Variants in FMNL3 observed in about 807,000 individuals in gnomAD.
FMNL3 encodes formin like 3, also known as formin-like protein 3.
FMNL3 carries 57 observed loss-of-function variants against 119.6 expected under a neutral mutation model. The ratio of observed to expected loss-of-function variants is 0.48; its 90% CI spans 0.39 to 0.59. FMNL3 has a LOEUF of 0.59. Among genes scored for constraint, FMNL3 ranks in the 20% least tolerant of loss-of-function variants. FMNL3 has a pLI of 0.00. For synonymous variants in FMNL3, 491 were observed against 507.3 expected, an observed-to-expected ratio of 0.97 and a Z score of 0.43; for missense variants, 1,053 against 1,323.5, an observed-to-expected ratio of 0.80 and a Z score of 3.17.
Position 49,637,106 on chromosome 12 carries a change from G to T in FMNL3, c.*8709C>A. On this transcript the variant is annotated 3_prime_UTR_variant, in exon 26 of 26. Coordinates refer to ENST00000335154, the MANE Select transcript of FMNL3 (RefSeq NM_175736.5). ...GAGAGCACCCTACAGGCATGACTTG[G>T]CAGCTAGGCCATGTTTATTTCCCTT... 1.7e-6 allele frequency: 1 copy of T among 596,894 alleles called. No individual in the cohort carries two copies. The highest frequency in any genetic ancestry group is 2.9e-6 in the Non-Finnish European group (1 of 342,158). 37.0% of individuals were successfully genotyped at this position (596,894 alleles called of 1,614,324 possible).
In FMNL3 at chr12:49,653,539, G is replaced by A. The variant is rs1943473746; in HGVS notation, c.1221+186C>T. On this transcript the variant is annotated intron_variant, in intron 12 of 25. Transcript: ENST00000335154. ...CAATGCCACCTCATGCCCAGCCCTG[G>A]AGGTCGATGTGTATTCCAACTGGTG... Among the ~76,000 whole-genome samples the A allele has an allele frequency of 2.0e-5, 3 of 152,218 alleles. No individual in the cohort carries two copies. The South Asian group carries it at 6.2e-4, about 32-fold the overall frequency.
chr12:49,656,065 C>T (rs186878415), intron 9 of FMNL3, among the ~76,000 whole-genome samples: 1 of 152,234 alleles, frequency 6.6e-6, no homozygotes, highest in East Asian at 1.9e-4. Flanking sequence ...TACATATACT[C>T]AGGCCTCCAG....
rs1239578914 is a variant in FMNL3 at position 49,650,676 on chromosome 12, G to A, written c.2000C>T (p.Thr667Met). 2.5e-6 allele frequency: 4 copies of A among 1,612,770 alleles called. No individual in the cohort carries two copies. The African/African-American group carries it at 4.0e-5, about 16-fold the overall frequency. Reference protein sequence around the residue: ...SAEEICRAIHTFDLQTLPVDF... With the variant: ...SAEEICRAIHMFDLQTLPVDF... Reference sequence around the variant, plus strand: ...AGAGCCAGGTCAGTGGGAGCCTCACGTATGAATGGCCCTGCAGATCTCCTC... The same window carrying A: ...AGAGCCAGGTCAGTGGGAGCCTCACATATGAATGGCCCTGCAGATCTCCTC... Residue 667 changes from threonine (T) to methionine (M), a missense_variant and splice_region_variant, in exon 17 of 26, where the codon ACG (threonine) becomes ATG (methionine). Coordinates refer to ENST00000335154, the MANE Select transcript of FMNL3 (RefSeq NM_175736.5).
At chr12:49,684,329 C>T (rs546460325) in intron 1 of FMNL3, among the ~76,000 whole-genome samples, 10 of 152,234 alleles carry the variant, frequency 6.6e-5, no homozygotes, top group Admixed American at 5.2e-4. Flanking sequence ...ATTCTTTAGC[C>T]GCCCTGCCAC....
intron 1 of FMNL3, among the ~76,000 whole-genome samples, chr12:49,682,077 T>A (rs1944349880): frequency 6.6e-6 from 1 of 151,240 alleles, no homozygotes; most frequent in East Asian, 1.9e-4. Context: ...TCAACCTTTT[T>A]TTTTTTTTTT....
chr12:49,652,233 T>C, intron 13 of FMNL3, 21 bp from the exon 14 acceptor site: 3 of 1,606,488 alleles, frequency 1.9e-6, no homozygotes, highest in Non-Finnish European at 2.6e-6. Flanking sequence ...GACAGCACCA[T>C]TAAGGGAAAA....
intron 1 of FMNL3, among the ~76,000 whole-genome samples, chr12:49,685,223 G>A (rs1429613431): frequency 3.3e-5 from 5 of 152,166 alleles, no homozygotes; most frequent in African/African-American, 9.7e-5. Context: ...AGTGGCTCAC[G>A]CCTGTAATCC....
intron 1 of FMNL3, among the ~76,000 whole-genome samples, chr12:49,676,292 C>T (rs1453950897): frequency 6.6e-6 from 1 of 152,108 alleles, no homozygotes; most frequent in African/African-American, 2.4e-5. Context: ...AAACAGAAGT[C>T]GTGTGCACAA....
At position 49,642,186 on chromosome 12, in the gene FMNL3, G is replaced by T. The variant is rs748118607; in HGVS notation, c.*3629C>A. On this transcript the variant is annotated 3_prime_UTR_variant, in exon 26 of 26. Coordinates refer to ENST00000335154, the MANE Select transcript of FMNL3 (RefSeq NM_175736.5). The surrounding 1 kb of genome is among the most constrained non-coding windows in gnomAD (Gnocchi z 5.8). ...CCTAAGGTATGCCTGAGTGGGACCT[G>T]GCATCCACCCTCCTGGGTGACCCTG... 8.1e-6 allele frequency: 13 copies of T among 1,613,572 alleles called. No homozygotes were observed. Among genetic ancestry groups the T allele is most frequent in the Non-Finnish European group, 1.1e-5 (13 of 1,179,744 alleles).
intron 1 of FMNL3, among the ~76,000 whole-genome samples, chr12:49,692,341 C>T (rs1037094835): frequency 2.0e-5 from 3 of 151,760 alleles, no homozygotes; most frequent in African/African-American, 7.3e-5. Flanking sequence ...AAAAAAACTT[C>T]AGTCTACCCC....
chr12:49,684,349 C>T (rs1944407881), intron 1 of FMNL3, among the ~76,000 whole-genome samples: 1 of 152,160 alleles, frequency 6.6e-6, no homozygotes, highest in Non-Finnish European at 1.5e-5. Flanking sequence ...CAAAATAAGG[C>T]TCTCTCTGCC....
chr12:49,675,474 C>A (rs780059653), intron 1 of FMNL3, among the ~76,000 whole-genome samples: 7 of 152,230 alleles, frequency 4.6e-5, no homozygotes, highest in Non-Finnish European at 8.8e-5. Context: ...TCTGTCCTCC[C>A]ACCTGGGGAG....
chr12:49,650,657 A>G lies in FMNL3; in HGVS notation c.2000+19T>C. ...TGCCAACAGACTAGGGACCAGAGCC[A>G]GGTCAGTGGGAGCCTCACGTATGAA... On this transcript the variant is annotated intron_variant, in intron 17 of 25. Transcript: ENST00000335154. 1 of 1,611,830 alleles carries G rather than the reference A, an allele frequency of 6.2e-7. No individual in the cohort carries two copies. Among genetic ancestry groups the G allele is most frequent in the Non-Finnish European group, 8.5e-7 (1 of 1,179,402 alleles).
At position 49,643,737 on chromosome 12, in the gene FMNL3, G is replaced by T; in HGVS notation, c.*2078C>A. 6.2e-7 allele frequency: 1 copy of T among 1,614,122 alleles called. No homozygotes were observed. The highest frequency in any genetic ancestry group is 2.2e-5 in the East Asian group (1 of 44,886). ...AGAAACCAAAAAAGAAAACTAAGAA[G>T]AGAAGACACAAGTCGGTGAGTGAAG... is the stretch of plus-strand genomic sequence containing the variant. On this transcript the variant is annotated 3_prime_UTR_variant, in exon 26 of 26. Transcript: ENST00000335154.
At chr12:49,687,229 G>C (rs1944489202) in intron 1 of FMNL3, among the ~76,000 whole-genome samples, 1 of 151,940 alleles carries the variant, frequency 6.6e-6, no homozygotes, top group Non-Finnish European at 1.5e-5. Flanking sequence ...AAGTAGCTGG[G>C]ACTACAGGTG....
chr12:49,700,135 G>A (rs1047025387), intron 1 of FMNL3, among the ~76,000 whole-genome samples: 1 of 152,172 alleles, frequency 6.6e-6, no homozygotes, highest in African/African-American at 2.4e-5. Flanking sequence ...GCTCACGCCT[G>A]TAATCCCAGC....
In FMNL3 at chr12:49,643,716, A is replaced by G. The variant is rs759765213; in HGVS notation, c.*2099T>C. 1 of 1,614,176 alleles carries G rather than the reference A, an allele frequency of 6.2e-7. No homozygotes were observed. The highest frequency in any genetic ancestry group is 2.2e-5 in the East Asian group (1 of 44,886). ...ATCATGGCCTTCGGAAAGCCAAGAAACCAAAAAAGAAAACTAAGAAGAGAA... is the reference window on the plus strand; with the variant it reads ...ATCATGGCCTTCGGAAAGCCAAGAAGCCAAAAAAGAAAACTAAGAAGAGAA... On this transcript the variant is annotated 3_prime_UTR_variant, in exon 26 of 26. Coordinates refer to ENST00000335154, the MANE Select transcript of FMNL3 (RefSeq NM_175736.5).
chr12:49,705,260 T>G (rs1365522043), intron 1 of FMNL3, among the ~76,000 whole-genome samples: 1 of 152,222 alleles, frequency 6.6e-6, no homozygotes, highest in Admixed American at 6.5e-5. Context: ...AAGGAAGGCA[T>G]GCAAGTGGGT....
At position 49,658,435 on chromosome 12, in the gene FMNL3, C is replaced by T; in HGVS notation, c.605+7G>A. 2 of 1,589,752 alleles carry T rather than the reference C, an allele frequency of 1.3e-6. No homozygotes were observed. The highest frequency in any genetic ancestry group is 1.7e-6 in the Non-Finnish European group (2 of 1,165,596). ...GAGGCAGGTGGGCAGAGCAAAAGCA[C>T]ACATACCGGAGCACAGACTGGCGCG... On this transcript the variant is annotated splice_region_variant and intron_variant, in intron 6 of 25. Coordinates refer to ENST00000335154, the MANE Select transcript of FMNL3 (RefSeq NM_175736.5).
Sources: allele counts gnomAD v4.1 joint callset (sites outside exome capture counted in the v4.1 genomes callset), GRCh38; gene constraint gnomAD v4.1.1; non-coding constraint Gnocchi (gnomAD v3.1); transcripts MANE v1.5; gene names NCBI Gene and HGNC (gene_info 2026-07-23, HGNC 2026-07-21).